Variants in EXD3 observed in about 807,000 individuals in gnomAD.
EXD3 encodes the protein exonuclease 3'-5' domain containing 3.
EXD3 carries 92 observed loss-of-function variants against 98.0 expected under a neutral mutation model. That is an observed-to-expected ratio of 0.94 (90% CI 0.79 to 1.12). The LOEUF (loss-of-function observed/expected upper bound fraction) is 1.12. EXD3 is among the 50% of genes most tolerant of loss of function. The probability of loss-of-function intolerance (pLI) is 0.00; values close to 1 mark genes in which losing one functional copy is unlikely to be tolerated. For synonymous variants in EXD3, 569 were observed against 526.0 expected, an observed-to-expected ratio of 1.08 and a Z score of -1.12; for missense variants, 1,222 against 1,191.6, an observed-to-expected ratio of 1.03 and a Z score of -0.38.
intron 6 of EXD3, among the ~76,000 whole-genome samples, chr9:137,367,112 G>A (rs550720859): frequency 6.6e-6 from 1 of 152,168 alleles, no homozygotes; most frequent in Non-Finnish European, 1.5e-5. Context: ...ACGAATTCCC[G>A]TAGACAACGC....
chr9:137,329,990 GACTACACAGGA>G (rs1832910439), intron 17 of EXD3, among the ~76,000 whole-genome samples: 1 of 138,570 alleles, frequency 7.2e-6, no homozygotes, highest in Non-Finnish European at 1.5e-5. Flanking sequence ...GACTACACAG[GACTACACAGGA>G]GCTACACAGG....
Position 137,393,247 on chromosome 9 carries a change from G to A in EXD3, c.55+2056C>T, listed in dbSNP as rs908027663. The A allele has an allele frequency of 1.4e-6, 1 of 702,520 alleles. No individual in the cohort carries two copies. The highest frequency in any genetic ancestry group is 2.6e-6 in the Non-Finnish European group (1 of 384,860). 43.5% of individuals were successfully genotyped at this position (702,520 alleles called of 1,614,324 possible). A position where few individuals can be genotyped will look rare whatever the true frequency, so the allele number is the denominator to read the frequency against. Reference sequence around the variant, plus strand: ...AAGCCTGTGGGTGCCTGTGCAGGGAGAGTCAGCTCTGTGCTGAGGCGAACC... The same window carrying A: ...AAGCCTGTGGGTGCCTGTGCAGGGAAAGTCAGCTCTGTGCTGAGGCGAACC... On this transcript the variant is annotated intron_variant, in intron 2 of 21. Coordinates refer to ENST00000340951, the MANE Select transcript of EXD3 (RefSeq NM_017820.5). The surrounding 1 kb of genome is among the most constrained non-coding windows in gnomAD (Gnocchi z 4.6).
chr9:137,372,794 A>G (rs1248834313), intron 5 of EXD3, 111 bp downstream of exon 5: 5 of 1,160,078 alleles, frequency 4.3e-6, no homozygotes, highest in Non-Finnish European at 6.1e-6. Flanking sequence ...CTCCATGTAG[A>G]CCAGAAGCCC....
intron 17 of EXD3, among the ~76,000 whole-genome samples, chr9:137,330,347 C>A (rs1588274361): frequency 7.0e-6 from 1 of 142,368 alleles, no homozygotes; most frequent in Non-Finnish European, 1.5e-5. Flanking sequence ...CAGGACTACA[C>A]AGGACTACAC....
intron 7 of EXD3, among the ~76,000 whole-genome samples, chr9:137,359,166 T>C (rs1165746120): frequency 4.8e-5 from 4 of 82,770 alleles, no homozygotes; most frequent in African/African-American, 1.3e-4. Context: ...CAGGATGGTT[T>C]CACTGTGTTA....
At chr9:137,359,431 G>T (rs1834944483) in intron 7 of EXD3, among the ~76,000 whole-genome samples, 1 of 82,510 alleles carries the variant, frequency 1.2e-5, no homozygotes, top group Admixed American at 1.4e-4. Flanking sequence ...CCATCACCTT[G>T]GGAGGCTGAG....
chr9:137,387,531 G>T (rs1836666064), intron 2 of EXD3, among the ~76,000 whole-genome samples: 1 of 152,154 alleles, frequency 6.6e-6, no homozygotes, highest in Admixed American at 6.5e-5. Context: ...TCCAGGGGCG[G>T]CTTCTGTCTG....
At position 137,337,395 on chromosome 9, in the gene EXD3, A is replaced by G. The variant is rs549418559; in HGVS notation, c.1998+10676T>C. 1.1e-4 allele frequency among the ~76,000 whole-genome samples: 16 copies of G among 152,238 alleles called. No homozygotes were observed. The East Asian group carries it at 1.5e-3, about 15-fold the overall frequency. ...AGGCTGGGTGCGGTGGCTCACACCT[A>G]TAATCCCAGCAGTTTGGGAGGCCAA... On this transcript the variant is annotated intron_variant, in intron 17 of 21. Coordinates refer to ENST00000340951, the MANE Select transcript of EXD3 (RefSeq NM_017820.5).
chr9:137,342,952 T>A (rs1833725486), intron 17 of EXD3, among the ~76,000 whole-genome samples: 1 of 152,092 alleles, frequency 6.6e-6, no homozygotes, highest in Admixed American at 6.6e-5. Context: ...AAACCCCGTC[T>A]CTACTAAAAA....
chr9:137,376,157 A>G (rs185769650), intron 3 of EXD3, among the ~76,000 whole-genome samples: 152 of 151,968 alleles, frequency 1.0e-3, no homozygotes, highest in South Asian at 3.1e-3. Context: ...AGCCTGGCTA[A>G]CACAGTGAAA....
intron 7 of EXD3, among the ~76,000 whole-genome samples, chr9:137,358,593 C>G (rs893694651): frequency 6.6e-6 from 1 of 152,190 alleles, no homozygotes; most frequent in African/African-American, 2.4e-5. Flanking sequence ...CTCTTATTCT[C>G]TTGAAATTTT....
chr9:137,366,864 G>A (rs1835286259), intron 6 of EXD3, among the ~76,000 whole-genome samples: 1 of 152,240 alleles, frequency 6.6e-6, no homozygotes, highest in Non-Finnish European at 1.5e-5. Context: ...GGCCCTAAGA[G>A]GCAAGGGGGA....
chr9:137,317,071 A>G (rs1412896553), intron 19 of EXD3, among the ~76,000 whole-genome samples: 1 of 151,872 alleles, frequency 6.6e-6, no homozygotes, highest in African/African-American at 2.4e-5. Context: ...TCATTCTCTG[A>G]GCGTGGCGGG....
chr9:137,417,655 G>GCGCGCGGCCAC (rs1458086381), intron 1 of EXD3, among the ~76,000 whole-genome samples: 1 of 152,198 alleles, frequency 6.6e-6, no homozygotes, highest in African/African-American at 2.4e-5. Context: ...GGAGGAGGAG[G>GCGCGCGGCCAC]CGCGCGGCCA....
In EXD3 at chr9:137,349,478, C is replaced by T; in HGVS notation, c.1548G>A (p.Arg516=). The T allele has an allele frequency of 6.2e-7, 1 of 1,604,058 alleles. No individual in the cohort carries two copies. The highest frequency in any genetic ancestry group is 1.1e-5 in the South Asian group (1 of 90,424). Residue 516 remains arginine, a synonymous_variant, in exon 15 of 22, where the codon AGG becomes AGA. Coordinates refer to ENST00000340951, the MANE Select transcript of EXD3 (RefSeq NM_017820.5). The surrounding 1 kb of genome is among the most constrained non-coding windows in gnomAD (Gnocchi z 7.4). The part of the protein sequence containing the change: ...APAVDRAREL[R]GLSLLVQQVL... Reference sequence around the variant, plus strand: ...CCTGCTGCACCAGGAGGCTCAGGCCCCTCAGCTCCCTGGCCCTGTCCACGG... The same window carrying T: ...CCTGCTGCACCAGGAGGCTCAGGCCTCTCAGCTCCCTGGCCCTGTCCACGG...
At chr9:137,318,138 C>T (rs1029365737) in intron 19 of EXD3, among the ~76,000 whole-genome samples, 10 of 152,194 alleles carry the variant, frequency 6.6e-5, no homozygotes, top group African/African-American at 2.4e-4. Context: ...CCCCTGTCCA[C>T]GGCAGGCTCC....
At chr9:137,309,215 C>A (rs1564458595) in intron 20 of EXD3, among the ~76,000 whole-genome samples, 1 of 152,198 alleles carries the variant, frequency 6.6e-6, no homozygotes, top group Non-Finnish European at 1.5e-5. Flanking sequence ...CAGGCTGGGG[C>A]CTTCCCTGGG....
At chr9:137,383,462 C>T in intron 2 of EXD3, 85 bp from the exon 3 acceptor site, 1 of 1,039,330 alleles carries the variant, frequency 9.6e-7, no homozygotes, top group African/African-American at 1.6e-5. Context: ...CTCCCACTGA[C>T]CCGCAATGCC....
Position 137,351,141 on chromosome 9 carries a change from C to T in EXD3, c.1391G>A (p.Gly464Glu), listed in dbSNP as rs1162979347. Reference sequence around the variant, plus strand: ...CAGTTTTTGCAGGTCCCCCACCATCCCGTAGCCTGTGGGCAGGAACCATCG... The same window carrying T: ...CAGTTTTTGCAGGTCCCCCACCATCTCGTAGCCTGTGGGCAGGAACCATCG... The part of the protein sequence containing the change: ...SDPSITKLGY[G>E]MVGDLQKLGT... The change falls in exon 14 of 22, where the codon GGG (glycine) becomes GAG (glutamate). Residue 464 changes from glycine to glutamate, a missense_variant. Gly to Glu is a moderately conservative substitution (Grantham distance 98, BLOSUM62 -2). Coordinates refer to ENST00000340951, the MANE Select transcript of EXD3 (RefSeq NM_017820.5). The T allele has an allele frequency of 6.4e-7, 1 of 1,574,276 alleles. No individual in the cohort carries two copies. The highest frequency in any genetic ancestry group is 1.8e-5 in the Admixed American group (1 of 54,336).
Sources: allele counts gnomAD v4.1 joint callset (sites outside exome capture counted in the v4.1 genomes callset), GRCh38; gene constraint gnomAD v4.1.1; non-coding constraint Gnocchi (gnomAD v3.1); transcripts MANE v1.5; gene names NCBI Gene and HGNC (gene_info 2026-07-23, HGNC 2026-07-21).